The following ANKFN1 variants were observed in gnomAD, a reference collection of about 807,000 sequenced individuals.
ANKFN1 encodes the protein ankyrin repeat and fibronectin type III domain containing 1.
A neutral mutation model predicts 108.7 loss-of-function variants in ANKFN1; 74 were observed. The ratio of observed to expected loss-of-function variants is 0.68; its 90% CI spans 0.56 to 0.83. The LOEUF (loss-of-function observed/expected upper bound fraction) is 0.83. ANKFN1 is among the 40% of genes least tolerant of loss of function. The pLI is 0.00. For missense variants in ANKFN1, 1,505 were observed against 1,382.3 expected, an observed-to-expected ratio of 1.09 and a Z score of -1.41; for synonymous variants, 547 against 516.2, an observed-to-expected ratio of 1.06 and a Z score of -0.81.
chr17:56,478,775 A>G (rs1052308874), intron 16 of ANKFN1, among the ~76,000 whole-genome samples: 9 of 152,236 alleles, frequency 5.9e-5, no homozygotes, highest in Admixed American at 4.6e-4. Flanking sequence ...CAAAGGGCAT[A>G]AACTAGATAC....
chr17:56,421,076 T>C (rs1330688022), intron 8 of ANKFN1, among the ~76,000 whole-genome samples: 1 of 152,208 alleles, frequency 6.6e-6, no homozygotes, highest in African/African-American at 2.4e-5. Flanking sequence ...AATACAAAAA[T>C]GAAAATGGTC....
At chr17:56,290,479 C>A (rs558726159) in intron 3 of ANKFN1, among the ~76,000 whole-genome samples, 7 of 152,234 alleles carry the variant, frequency 4.6e-5, no homozygotes, top group African/African-American at 1.7e-4. Flanking sequence ...CTCTTTAGAT[C>A]GAATCTATAT....
chr17:56,206,145 T>A (rs2143785339), intron 1 of ANKFN1, among the ~76,000 whole-genome samples: 1 of 152,316 alleles, frequency 6.6e-6, no homozygotes, highest in Admixed American at 6.5e-5. Flanking sequence ...TTGGAGAAAA[T>A]GCCCACCACT....
At chr17:56,174,155 A>G in intron 1 of ANKFN1, 1 of 984,434 alleles carries the variant, frequency 1.0e-6, no homozygotes, top group Non-Finnish European at 1.2e-6. Context: ...GACTGCATTC[A>G]TTCTCTGGAG....
chr17:56,452,306 C>T (rs981447510), intron 11 of ANKFN1, among the ~76,000 whole-genome samples: 8 of 152,134 alleles, frequency 5.3e-5, no homozygotes, highest in Non-Finnish European at 8.8e-5. Flanking sequence ...AGAAAATGAA[C>T]TGTTGCTTCA....
At chr17:56,434,410 A>AGAT (rs1567998685) in intron 8 of ANKFN1, among the ~76,000 whole-genome samples, 3 of 151,638 alleles carry the variant, frequency 2.0e-5, no homozygotes, top group African/African-American at 7.2e-5. Context: ...AAGAAGAAGA[A>AGAT]GATGATGATG....
At chr17:56,423,368 C>G (rs554074332) in intron 8 of ANKFN1, among the ~76,000 whole-genome samples, 1 of 152,200 alleles carries the variant, frequency 6.6e-6, no homozygotes, top group Non-Finnish European at 1.5e-5. Flanking sequence ...TGAGAAGCAG[C>G]TCGCTGATTT....
At chr17:56,217,456 A>G (rs1221308611) in intron 2 of ANKFN1, among the ~76,000 whole-genome samples, 1 of 152,190 alleles carries the variant, frequency 6.6e-6, no homozygotes, top group African/African-American at 2.4e-5. Context: ...GTGGTTCTTA[A>G]TTGAGGAGGA....
At chr17:56,428,031 A>G (rs1014772407) in intron 8 of ANKFN1, among the ~76,000 whole-genome samples, 3 of 152,076 alleles carry the variant, frequency 2.0e-5, no homozygotes, top group Non-Finnish European at 4.4e-5. Flanking sequence ...TCAAGAGTTC[A>G]AGACCAGCCT....
At chr17:56,460,591 G>A (rs12945493) in intron 14 of ANKFN1, among the ~76,000 whole-genome samples, 79,814 of 151,896 alleles carry the variant, frequency 0.53, 25,586 homozygotes, top group East Asian at 0.87. Flanking sequence ...GGAAAAAAAT[G>A]GAAATTAATG....
intron 4 of ANKFN1, among the ~76,000 whole-genome samples, chr17:56,342,028 T>A (rs1011754585): frequency 6.6e-6 from 1 of 151,990 alleles, no homozygotes; most frequent in African/African-American, 2.4e-5. Flanking sequence ...CTTGGTTCAG[T>A]GTTGGGAGGG....
chr17:56,174,191 A>T (rs752751028), intron 1 of ANKFN1: 54 of 985,464 alleles, frequency 5.5e-5, no homozygotes, highest in Non-Finnish European at 6.1e-5. Flanking sequence ...TGGGCTGGCC[A>T]CAGAGCCAGA....
chr17:56,286,940 C>T (rs1433675482), intron 3 of ANKFN1, among the ~76,000 whole-genome samples: 1 of 152,094 alleles, frequency 6.6e-6, no homozygotes, highest in Non-Finnish European at 1.5e-5. Flanking sequence ...GGCAAAGGGT[C>T]ACCATTCTTG....
intron 8 of ANKFN1, among the ~76,000 whole-genome samples, chr17:56,426,804 C>T (rs1232786998): frequency 6.6e-6 from 1 of 152,194 alleles, no homozygotes; most frequent in Non-Finnish European, 1.5e-5. Flanking sequence ...AAAAAGAACT[C>T]CCATGTGACC....
intron 8 of ANKFN1, among the ~76,000 whole-genome samples, chr17:56,413,813 G>A (rs1190605244): frequency 3.9e-5 from 6 of 151,978 alleles, no homozygotes; most frequent in Admixed American, 2.6e-4. Context: ...TCTGCCTCCC[G>A]GGTTCAAGCG....
intron 1 of ANKFN1, among the ~76,000 whole-genome samples, chr17:56,208,894 T>TA (rs1437667921): frequency 2.2e-4 from 34 of 151,542 alleles, no homozygotes; most frequent in African/African-American, 3.6e-4. Flanking sequence ...TTATTATTAT[T>TA]TTTTTTTAAG....
chr17:56,124,143 G>T (rs1598112415), intron 4 of ANKFN1, among the ~76,000 whole-genome samples: 1 of 152,304 alleles, frequency 6.6e-6, no homozygotes, highest in African/African-American at 2.4e-5. Flanking sequence ...GATTCAGTAG[G>T]TCTGGGACGG....
rs148045689 is a variant in ANKFN1 at position 56,511,903 on chromosome 17, G to A, written c.*634G>A. 1.1e-4 allele frequency among the ~76,000 whole-genome samples: 17 copies of A among 151,966 alleles called. No homozygotes were observed. The East Asian group carries it at 1.7e-3, about 16-fold the overall frequency. On this transcript the variant is annotated 3_prime_UTR_variant, in exon 21 of 21. Transcript: ENST00000682825. ...GGCCTTGACAGGCCTTTTTTTCTTC[G>A]TATAGTGCTGTGTGGAGACCACCAG...
chr17:56,337,314 T>C (rs1287826826), intron 4 of ANKFN1, among the ~76,000 whole-genome samples: 5 of 152,232 alleles, frequency 3.3e-5, no homozygotes, highest in Admixed American at 6.5e-5. Flanking sequence ...ATATTGACAA[T>C]GGGGTATTAA....
Sources: gnomAD v4.1 joint callset for allele counts (sites outside exome capture counted in the v4.1 genomes callset) on GRCh38, gnomAD v4.1.1 for gene constraint, MANE v1.5 for transcripts, NCBI Gene and HGNC (gene_info 2026-07-23, HGNC 2026-07-21) for gene names.